The following PEBP4 variants were observed in gnomAD, a reference collection of about 807,000 sequenced individuals.
PEBP4 encodes phosphatidylethanolamine-binding protein 4.
A neutral mutation model predicts 23.9 loss-of-function variants in PEBP4; 22 were observed. The observed-to-expected ratio is 0.92, with a 90% CI of 0.66 to 1.31. PEBP4 has a LOEUF of 1.31. Among genes scored for constraint, PEBP4 ranks in the 40% most tolerant of loss-of-function variants. PEBP4 has a pLI of 0.00. For missense variants in PEBP4, 324 were observed against 281.7 expected (o/e 1.15, Z -1.07); for synonymous variants, 112 against 99.3 (o/e 1.13, Z -0.76).
At chr8:22,804,788 T>A (rs73671299) in intron 4 of PEBP4, among the ~76,000 whole-genome samples, 7,064 of 152,188 alleles carry the variant, frequency 0.046, 367 homozygotes, top group African/African-American at 0.13. Context: ...GGTTAGAACC[T>A]CCATCCTTCC....
chr8:22,883,726 G>A (rs935003107), intron 3 of PEBP4, among the ~76,000 whole-genome samples: 4 of 152,158 alleles, frequency 2.6e-5, no homozygotes, highest in African/African-American at 7.2e-5. Context: ...TCCTATTATT[G>A]TGCTGTCAAT....
intron 3 of PEBP4, among the ~76,000 whole-genome samples, chr8:22,880,865 A>C (rs1808239026): frequency 6.6e-6 from 1 of 152,176 alleles, no homozygotes; most frequent in Admixed American, 6.5e-5. Context: ...TATAGACCTC[A>C]AGACCTTGAT....
At chr8:22,879,303 C>T (rs1808193716) in intron 3 of PEBP4, 1 of 152,216 alleles carries the variant, frequency 6.6e-6, no homozygotes, top group Admixed American at 6.5e-5. Flanking sequence ...CGTGAGCGCC[C>T]CAGAGGTGGG....
upstream of PEBP4, among the ~76,000 whole-genome samples, chr8:22,929,895 G>A (rs1809427949): frequency 6.6e-6 from 1 of 152,138 alleles, no homozygotes; most frequent in South Asian, 2.1e-4. Context: ...TTGTAGAGAC[G>A]GGGTCTTGCA....
intron 3 of PEBP4, among the ~76,000 whole-genome samples, chr8:22,893,734 G>C (rs1407482427): frequency 2.6e-5 from 4 of 151,950 alleles, no homozygotes; most frequent in Admixed American, 2.6e-4. Context: ...CACAGCAATA[G>C]AAACTATTCA....
chr8:22,714,149 C>T (rs989901535), intron 6 of PEBP4, among the ~76,000 whole-genome samples: 4 of 152,360 alleles, frequency 2.6e-5, no homozygotes, highest in East Asian at 3.9e-4. Context: ...GGAGCTGGGC[C>T]TGCAGAAACC....
intron 4 of PEBP4, chr8:22,815,042 C>T (rs999794793): frequency 2.0e-5 from 3 of 152,154 alleles, no homozygotes; most frequent in African/African-American, 7.2e-5. Flanking sequence ...TTAAGGGACG[C>T]GGATTGAAGA....
intron 4 of PEBP4, among the ~76,000 whole-genome samples, chr8:22,743,049 C>T (rs990081846): frequency 2.6e-5 from 4 of 152,182 alleles, no homozygotes; most frequent in Non-Finnish European, 5.9e-5. Context: ...CGGTGAAGGG[C>T]TGTGTGCTGG....
rs1430883914 is a variant in PEBP4 at position 22,865,819 on chromosome 8, C to A, written c.259-48084G>T. ...GCGCGAGCGGCGGCGCCTAGAGGGACCCCCACCCCGGGCTCGAACTCCCGA... is the reference window on the plus strand; with the variant it reads ...GCGCGAGCGGCGGCGCCTAGAGGGAACCCCACCCCGGGCTCGAACTCCCGA... On this transcript the variant is annotated intron_variant, in intron 3 of 6. Transcript: ENST00000256404. The surrounding 1 kb of genome is among the most constrained non-coding windows in gnomAD (Gnocchi z 6.9). Among the ~76,000 whole-genome samples, 1 of 152,150 alleles carries A rather than the reference C, an allele frequency of 6.6e-6. No individual in the cohort carries two copies. Among genetic ancestry groups the A allele is most frequent in the African/African-American group, 2.4e-5 (1 of 41,400 alleles).
chr8:22,748,023 G>A (rs1805165833), intron 4 of PEBP4, among the ~76,000 whole-genome samples: 1 of 152,232 alleles, frequency 6.6e-6, no homozygotes, highest in Non-Finnish European at 1.5e-5. Flanking sequence ...TTGGGCCCTG[G>A]CTTATGCAAT....
intron 3 of PEBP4, among the ~76,000 whole-genome samples, chr8:22,906,188 G>C (rs1808809050): frequency 6.6e-6 from 1 of 152,096 alleles, no homozygotes; most frequent in Non-Finnish European, 1.5e-5. Flanking sequence ...CAGGTGGGAG[G>C]GAGTGATGCT....
intron 4 of PEBP4, among the ~76,000 whole-genome samples, chr8:22,777,637 C>T (rs755888710): frequency 1.2e-4 from 19 of 152,160 alleles, no homozygotes; most frequent in East Asian, 3.9e-4. Flanking sequence ...TCGCCCTGCA[C>T]GGCACTCCTG....
At chr8:22,920,949 G>T (rs1017782175) in intron 2 of PEBP4, among the ~76,000 whole-genome samples, 1 of 152,202 alleles carries the variant, frequency 6.6e-6, no homozygotes, top group Non-Finnish European at 1.5e-5. Context: ...CAGTATGAAT[G>T]AACCAGTTCA....
At position 22,753,031 on chromosome 8, in the gene PEBP4, T is replaced by C. The variant is rs6983873; in HGVS notation, c.358-25811A>G. On this transcript the variant is annotated intron_variant, in intron 4 of 6. Coordinates refer to ENST00000256404, the MANE Select transcript of PEBP4 (RefSeq NM_144962.3). ...CCTAAGGGCAAATGGAGCAGGTTAA[T>C]CAGATTCCTCACTTGCCTGTTTGGC... 6.4e-3 allele frequency among the ~76,000 whole-genome samples: 972 copies of C among 152,330 alleles called. 14 individuals carry two copies. The highest frequency in any genetic ancestry group is 0.023 in the African/African-American group (942 of 41,560).
intron 4 of PEBP4, among the ~76,000 whole-genome samples, chr8:22,797,992 G>C (rs938233808): frequency 6.6e-6 from 1 of 152,138 alleles, no homozygotes; most frequent in African/African-American, 2.4e-5. Context: ...AGTGCTCTGG[G>C]ACAACTAGGA....
chr8:22,869,935 G>A (rs986476582), intron 3 of PEBP4, among the ~76,000 whole-genome samples: 3 of 152,190 alleles, frequency 2.0e-5, no homozygotes, highest in African/African-American at 7.2e-5. Flanking sequence ...GGAGCCCTAG[G>A]AACTCTCATT....
chr8:22,761,897 T>C (rs1430544721), intron 4 of PEBP4, among the ~76,000 whole-genome samples: 1 of 152,208 alleles, frequency 6.6e-6, no homozygotes, highest in Non-Finnish European at 1.5e-5. Context: ...TCTAATTATA[T>C]GGCAATCATT....
chr8:22,847,386 C>A (rs1017694412), intron 3 of PEBP4, among the ~76,000 whole-genome samples: 2 of 152,154 alleles, frequency 1.3e-5, no homozygotes, highest in African/African-American at 4.8e-5. Context: ...TCTCTGCTCT[C>A]TTGAAATCTC....
intron 4 of PEBP4, among the ~76,000 whole-genome samples, chr8:22,783,650 C>T (rs1481686037): frequency 6.6e-6 from 1 of 152,212 alleles, no homozygotes; most frequent in Non-Finnish European, 1.5e-5. Flanking sequence ...GCCTCCCTAA[C>T]ACATGCTGTG....
Sources: gnomAD v4.1 joint callset for allele counts (sites outside exome capture counted in the v4.1 genomes callset) on GRCh38, gnomAD v4.1.1 for gene constraint, Gnocchi (gnomAD v3.1) non-coding constraint, MANE v1.5 for transcripts, NCBI Gene and HGNC (gene_info 2026-07-23, HGNC 2026-07-21) for gene names.